Variants in DMD observed in about 807,000 individuals in gnomAD.
The protein encoded by DMD is dystrophin.
Under a neutral mutation model 330.1 loss-of-function variants are expected in DMD, and 63 were observed. That is an observed-to-expected ratio of 0.19 (90% CI 0.16 to 0.24). DMD has a LOEUF of 0.24. Among genes scored for constraint, DMD ranks in the 10% least tolerant of loss-of-function variants. The pLI, the probability that DMD is intolerant of heterozygous loss-of-function variation, is 1.00. For synonymous variants in DMD, 1,223 were observed against 959.8 expected (o/e 1.27, Z -5.07); for missense variants, 3,344 against 2,684.1 (o/e 1.25, Z -5.43).
intron 55 of DMD, among the ~76,000 whole-genome samples, chrX:31,568,757 G>A (rs184106432): frequency 1.8e-5 from 2 of 111,292 alleles, no homozygotes; most frequent in East Asian, 2.8e-4. Context: ...TGCATTTAAG[G>A]TAATTATGGA....
intron 70 of DMD, 69 bp from the exon 71 acceptor site, chrX:31,178,039 G>C: frequency 9.0e-7 from 1 of 1,116,936 alleles, no homozygotes; most frequent in Admixed American, 2.4e-5. Flanking sequence ...TTTACTGAAA[G>C]GTCAAAATAA....
At chrX:33,009,797 TATATGTGTATATACACAC>T (rs1347395327) in intron 2 of DMD, among the ~76,000 whole-genome samples, 2 of 30,960 alleles carry the variant, frequency 6.5e-5, no homozygotes, top group African/African-American at 1.0e-4. Flanking sequence ...TATATGTGTG[TATATGTGTATATACACAC>T]ATATGTGTAT....
intron 52 of DMD, among the ~76,000 whole-genome samples, chrX:31,683,096 T>C (rs112614633): frequency 9.2e-4 from 103 of 111,950 alleles, no homozygotes; most frequent in African/African-American, 3.2e-3. Context: ...GGGGTGTGCA[T>C]CCCACTGAGG....
intron 55 of DMD, among the ~76,000 whole-genome samples, chrX:31,575,244 A>T (rs749963475): frequency 8.9e-5 from 10 of 112,114 alleles, no homozygotes; most frequent in Non-Finnish European, 1.9e-4. Context: ...TCTGAGATTT[A>T]GATAAATCAT....
chrX:31,646,253 TTG>T (rs3032279), intron 54 of DMD, among the ~76,000 whole-genome samples: 5,617 of 102,475 alleles, frequency 0.055, 146 homozygotes, highest in Non-Finnish European at 0.078. Flanking sequence ...GTGTTGTGTG[TTG>T]TGTGTGTGTG....
chrX:31,381,993 A>G (rs2060207767), intron 60 of DMD, among the ~76,000 whole-genome samples: 1 of 111,636 alleles, frequency 9.0e-6, no homozygotes, highest in Non-Finnish European at 1.9e-5. Flanking sequence ...CTAGGTAGAC[A>G]CTTTCACTGG....
At chrX:31,610,083 T>C (rs1265174518) in intron 55 of DMD, among the ~76,000 whole-genome samples, 1 of 110,088 alleles carries the variant, frequency 9.1e-6, no homozygotes, top group Non-Finnish European at 1.9e-5. Context: ...CTGTCCTTCC[T>C]GTTCTCCCTC....
chrX:31,779,196 T>C (rs1375575608), intron 50 of DMD, among the ~76,000 whole-genome samples: 1 of 111,711 alleles, frequency 9.0e-6, no homozygotes, highest in Non-Finnish European at 1.9e-5. Flanking sequence ...AACGAACGGG[T>C]AAAGAGTTAG....
chrX:32,798,395 C>A (rs951971716), intron 7 of DMD, among the ~76,000 whole-genome samples: 1 of 111,975 alleles, frequency 8.9e-6, no homozygotes, highest in Non-Finnish European at 1.9e-5. Flanking sequence ...CACTGGAATA[C>A]TCTCATGCCT....
At chrX:32,408,091 T>C (rs1047362308) in intron 30 of DMD, among the ~76,000 whole-genome samples, 2 of 110,560 alleles carry the variant, frequency 1.8e-5, no homozygotes, top group Non-Finnish European at 3.8e-5. Flanking sequence ...ACCTGCACGT[T>C]GTGCACATGT....
chrX:32,251,185 A>G (rs12842523), intron 43 of DMD, among the ~76,000 whole-genome samples: 4 of 110,577 alleles, frequency 3.6e-5, no homozygotes, highest in Admixed American at 9.7e-5. Flanking sequence ...AACGTAAAGT[A>G]TAATAATAAT....
intron 63 of DMD, among the ~76,000 whole-genome samples, chrX:31,255,776 T>A (rs892880260): frequency 1.0e-5 from 1 of 96,022 alleles, no homozygotes. Context: ...TTACTTTTTT[T>A]TTTTTTTTTT....
At chrX:32,362,757 C>G (rs1189060718) in intron 37 of DMD, 31 bp downstream of exon 37, 1 of 1,208,330 alleles carries the variant, frequency 8.3e-7, no homozygotes, top group East Asian at 3.0e-5. Context: ...CCATTTAGCA[C>G]AAGTTTCCAC....
chrX:32,107,043 G>C (rs1231610441), intron 44 of DMD, among the ~76,000 whole-genome samples: 1 of 111,650 alleles, frequency 9.0e-6, no homozygotes, highest in African/African-American at 3.3e-5. Context: ...TCCATCTGGG[G>C]ACATTTGTAT....
intron 44 of DMD, among the ~76,000 whole-genome samples, chrX:31,974,082 A>C (rs772774818): frequency 2.0e-4 from 23 of 112,281 alleles, no homozygotes; most frequent in Non-Finnish European, 3.8e-4. Flanking sequence ...CTACATAGTC[A>C]TAAAAAGAAT....
intron 21 of DMD, among the ~76,000 whole-genome samples, chrX:32,483,413 C>T (rs1001108177): frequency 1.9e-5 from 2 of 106,800 alleles, no homozygotes; most frequent in Admixed American, 1.0e-4. Flanking sequence ...TATATTATTA[C>T]GTATTTATAT....
rs199774174 is a variant in DMD, at chrX:32,863,537, T to TACACACACACACACAC, written c.94-13733_94-13718dup. 3.4e-3 allele frequency among the ~76,000 whole-genome samples: 265 copies of TACACACACACACACAC among 78,207 alleles called. 3 individuals are homozygous for TACACACACACACACAC. The highest frequency in any genetic ancestry group is 0.015 in the African/African-American group (234 of 15,918). 67.9% of individuals were successfully genotyped at this position (78,207 alleles called of 115,157 possible). A position where few individuals can be genotyped will look rare whatever the true frequency, so the allele number is the denominator to read the frequency against. On this transcript the variant is annotated intron_variant, in intron 2 of 78. Coordinates refer to ENST00000357033, the MANE Select transcript of DMD (RefSeq NM_004006.3). ...AAAAAAAAAAAAAAGATTGTGTTTA[T>TACACACACACACACAC]ACACACACACACACACACACACACA...
At chrX:31,889,608 ATCTC>A (rs1437498897) in intron 47 of DMD, among the ~76,000 whole-genome samples, 3 of 78,791 alleles carry the variant, frequency 3.8e-5, no homozygotes, top group Non-Finnish European at 7.5e-5. Context: ...ATGTAATTTA[ATCTC>A]TCTCTCTGTC....
intron 49 of DMD, among the ~76,000 whole-genome samples, chrX:31,829,423 T>C (rs1365344706): frequency 9.4e-6 from 1 of 106,426 alleles, no homozygotes; most frequent in African/African-American, 3.5e-5. Flanking sequence ...CAAATAAATA[T>C]GTACAATTAT....
Sources: allele counts gnomAD v4.1 joint callset (sites outside exome capture counted in the v4.1 genomes callset), GRCh38; gene constraint gnomAD v4.1.1; transcripts MANE v1.5; gene names NCBI Gene and HGNC (gene_info 2026-07-23, HGNC 2026-07-21).